Variants in ARSB observed in about 807,000 individuals in gnomAD.
ARSB encodes arylsulfatase B.
ARSB carries 41 observed loss-of-function variants against 50.9 expected under a neutral mutation model. That is an observed-to-expected ratio of 0.81 (90% CI 0.63 to 1.04). The LOEUF is 1.04. Ranked by LOEUF, ARSB falls within the 50% of genes least tolerant of loss-of-function variation. The pLI is 0.00. For synonymous variants in ARSB, 269 were observed against 284.8 expected (o/e 0.94, Z 0.56); for missense variants, 672 against 693.3 (o/e 0.97, Z 0.35).
intron 6 of ARSB, among the ~76,000 whole-genome samples, chr5:78,818,565 G>A (rs1411718079): frequency 6.8e-6 from 1 of 147,332 alleles, no homozygotes; most frequent in African/African-American, 2.5e-5. Flanking sequence ...ACTTTCCTTG[G>A]GTTTAAATGG....
chr5:78,852,128 G>A (rs1645785374), intron 5 of ARSB, among the ~76,000 whole-genome samples: 2 of 152,130 alleles, frequency 1.3e-5, no homozygotes, highest in Admixed American at 6.5e-5. Flanking sequence ...TATTTTGCTC[G>A]TTAGTTGATG....
At chr5:78,900,239 G>C (rs1409205652) in intron 4 of ARSB, among the ~76,000 whole-genome samples, 1 of 152,052 alleles carries the variant, frequency 6.6e-6, no homozygotes, top group Non-Finnish European at 1.5e-5. Context: ...ACTCTGATTT[G>C]GTGTCTCATT....
At chr5:78,781,390 A>G (rs1002711954) in intron 7 of ARSB, among the ~76,000 whole-genome samples, 3 of 123,172 alleles carry the variant, frequency 2.4e-5, no homozygotes, top group African/African-American at 9.8e-5. Flanking sequence ...CTATCTCCTC[A>G]TTCAGCAGCC....
chr5:78,844,936 T>C (rs1446102271), intron 5 of ARSB, among the ~76,000 whole-genome samples: 1 of 152,150 alleles, frequency 6.6e-6, no homozygotes. Context: ...TAAATTGTTG[T>C]TAATGATAGT....
intron 6 of ARSB, 73 bp from the exon 7 acceptor site, chr5:78,782,047 C>A (rs1748943039): frequency 6.3e-7 from 1 of 1,585,052 alleles, no homozygotes; most frequent in Non-Finnish European, 8.7e-7. Context: ...CATTTTATAC[C>A]CTTGCAGAAC....
At chr5:78,888,759 C>T (rs1748151384) in intron 4 of ARSB, among the ~76,000 whole-genome samples, 1 of 152,120 alleles carries the variant, frequency 6.6e-6, no homozygotes, top group African/African-American at 2.4e-5. Flanking sequence ...GAGAATTTGG[C>T]CACTTTTGCT....
intron 4 of ARSB, among the ~76,000 whole-genome samples, chr5:78,898,492 C>A (rs1373277805): frequency 6.6e-6 from 1 of 152,146 alleles, no homozygotes; most frequent in Non-Finnish European, 1.5e-5. Context: ...ACAATGAACA[C>A]AGGTGTAAAA....
At chr5:78,822,537 A>C (rs1469624229) in intron 6 of ARSB, among the ~76,000 whole-genome samples, 4 of 152,216 alleles carry the variant, frequency 2.6e-5, no homozygotes, top group African/African-American at 9.6e-5. Flanking sequence ...GGTACACTGA[A>C]TTGAATAAAA....
intron 4 of ARSB, among the ~76,000 whole-genome samples, chr5:78,947,188 A>T (rs1262139784): frequency 6.6e-6 from 1 of 152,198 alleles, no homozygotes; most frequent in Non-Finnish European, 1.5e-5. Context: ...AATAGAAAAC[A>T]TTGGGGAAAC....
intron 1 of ARSB, among the ~76,000 whole-genome samples, chr5:78,981,744 A>C (rs1752914175): frequency 6.6e-6 from 1 of 152,236 alleles, no homozygotes; most frequent in Non-Finnish European, 1.5e-5. Flanking sequence ...TCAATAAATA[A>C]TTTCTGAAAC....
chr5:78,872,981 C>CGT (rs1747300080), intron 5 of ARSB, among the ~76,000 whole-genome samples: 1 of 151,930 alleles, frequency 6.6e-6, no homozygotes, highest in Admixed American at 6.6e-5. Context: ...CATACATAAA[C>CGT]GTGAACAAAA....
At chr5:78,863,109 A>C (rs1195139550) in intron 5 of ARSB, among the ~76,000 whole-genome samples, 1 of 152,234 alleles carries the variant, frequency 6.6e-6, no homozygotes, top group East Asian at 1.9e-4. Flanking sequence ...AGGAAACAAC[A>C]GGTGCTGGAG....
chr5:78,929,006 C>T (rs1580074825), intron 4 of ARSB, among the ~76,000 whole-genome samples: 1 of 152,208 alleles, frequency 6.6e-6, no homozygotes, highest in East Asian at 1.9e-4. Flanking sequence ...TCCTGCTCTC[C>T]GTGTCCATTG....
intron 6 of ARSB, among the ~76,000 whole-genome samples, chr5:78,837,684 T>C (rs148293578): frequency 3.3e-4 from 50 of 152,322 alleles, no homozygotes; most frequent in African/African-American, 1.2e-3. Flanking sequence ...AATAAATCTA[T>C]AATATTGTAT....
chr5:78,961,426 A>G (rs1185791229), intron 3 of ARSB, among the ~76,000 whole-genome samples: 1 of 152,204 alleles, frequency 6.6e-6, no homozygotes, highest in Non-Finnish European at 1.5e-5. Context: ...TGTTTCAGAC[A>G]CAATAGGAAA....
At chr5:78,822,036 G>A (rs1191294709) in intron 6 of ARSB, among the ~76,000 whole-genome samples, 1 of 152,164 alleles carries the variant, frequency 6.6e-6, no homozygotes, top group Non-Finnish European at 1.5e-5. Context: ...TATTTCCCCT[G>A]AAGCAAAAAG....
intron 4 of ARSB, among the ~76,000 whole-genome samples, chr5:78,953,618 C>T (rs1301897160): frequency 6.6e-6 from 1 of 152,170 alleles, no homozygotes; most frequent in Non-Finnish European, 1.5e-5. Flanking sequence ...CTCAACATGT[C>T]ACCTCACCCC....
chr5:78,780,768 A>C, intron 7 of ARSB, 106 bp from the exon 8 acceptor site: 1 of 1,391,868 alleles, frequency 7.2e-7, no homozygotes, highest in Non-Finnish European at 1.0e-6. Flanking sequence ...TGGGTGTGGA[A>C]ACATAAAAAG....
rs529983675 is a variant in ARSB at position 78,960,810 on chromosome 5, G to A, written c.690+3606C>T. Among the ~76,000 whole-genome samples the A allele has an allele frequency of 4.6e-5, 7 of 152,232 alleles. No individual in the cohort carries two copies. The East Asian group carries it at 9.6e-4, about 21-fold the overall frequency. On this transcript the variant is annotated intron_variant, in intron 3 of 7. Coordinates refer to ENST00000264914, the MANE Select transcript of ARSB (RefSeq NM_000046.5). ...AAACTCCTAACCTCACAATCCACCC[G>A]CCTCGGCCTCCCAAAGTGCTGGGAT...
Sources: gnomAD v4.1 joint callset for allele counts (sites outside exome capture counted in the v4.1 genomes callset) on GRCh38, gnomAD v4.1.1 for gene constraint, MANE v1.5 for transcripts, NCBI Gene and HGNC (gene_info 2026-07-23, HGNC 2026-07-21) for gene names.